CHCHD3: variants seen among roughly 807,000 people sequenced by gnomAD.
CHCHD3 encodes the protein MICOS complex subunit MIC19.
A neutral mutation model predicts 38.2 loss-of-function variants in CHCHD3; 20 were observed. The observed-to-expected ratio is 0.52, with a 90% CI of 0.37 to 0.76. The LOEUF (loss-of-function observed/expected upper bound fraction) is 0.76, where lower values mean the gene tolerates loss of function less well. Ranked by LOEUF, CHCHD3 falls within the 30% of genes least tolerant of loss-of-function variation. The pLI is 0.00. For missense variants in CHCHD3, 245 were observed against 279.2 expected, an observed-to-expected ratio of 0.88 and a Z score of 0.87; for synonymous variants, 82 against 100.0, an observed-to-expected ratio of 0.82 and a Z score of 1.07.
intron 6 of CHCHD3, among the ~76,000 whole-genome samples, chr7:132,804,668 T>C (rs186179540): frequency 6.6e-6 from 1 of 152,278 alleles, no homozygotes; most frequent in Admixed American, 6.5e-5. Context: ...AGACCAAAAT[T>C]TAAGTTTGTG....
At chr7:133,008,856 TC>T (rs1297688915) in intron 3 of CHCHD3, among the ~76,000 whole-genome samples, 1 of 151,996 alleles carries the variant, frequency 6.6e-6, no homozygotes, top group East Asian at 1.9e-4. Context: ...CTCACTTTGT[TC>T]CCTGACTGGT....
At chr7:132,789,917 G>T (rs1212675602) in intron 7 of CHCHD3, among the ~76,000 whole-genome samples, 1 of 152,206 alleles carries the variant, frequency 6.6e-6, no homozygotes, top group Non-Finnish European at 1.5e-5. Context: ...GAAAAGTGGG[G>T]AGTGGGAGAC....
At chr7:132,937,766 C>T (rs1007194613) in intron 4 of CHCHD3, among the ~76,000 whole-genome samples, 11 of 152,140 alleles carry the variant, frequency 7.2e-5, no homozygotes, top group African/African-American at 2.2e-4. Flanking sequence ...TATAATCCAA[C>T]GTTTACAAAC....
rs1169617382 is a variant in CHCHD3 at position 132,785,513 on chromosome 7, T to A, written c.*124A>T. ...ATGATTCTGCTGAATCCATTCTTGA[T>A]GTCTCTCTTTAGTGGTCTTCTCATT... On this transcript the variant is annotated 3_prime_UTR_variant, in exon 8 of 8. Transcript: ENST00000262570. 2.2e-6 allele frequency: 2 copies of A among 910,126 alleles called. No homozygotes were observed. Among genetic ancestry groups the A allele is most frequent in the African/African-American group, 3.3e-5 (2 of 59,978 alleles). The allele number at this position is 910,126 out of a possible 1,614,324, so 56.4% of individuals were successfully genotyped here. A position where few individuals can be genotyped will look rare whatever the true frequency, so the allele number is the denominator to read the frequency against.
At chr7:132,957,237 T>C (rs900657388) in intron 4 of CHCHD3, among the ~76,000 whole-genome samples, 5 of 152,148 alleles carry the variant, frequency 3.3e-5, no homozygotes, top group Non-Finnish European at 7.3e-5. Context: ...GATAGGGTGA[T>C]TACTAAGATT....
chr7:132,869,644 C>T (rs563304693), intron 5 of CHCHD3, among the ~76,000 whole-genome samples: 1 of 152,218 alleles, frequency 6.6e-6, no homozygotes, highest in South Asian at 2.1e-4. Flanking sequence ...TGGAGTGCAG[C>T]GACATAATGG....
chr7:132,964,495 C>CACTTGA (rs2117312974), intron 4 of CHCHD3, among the ~76,000 whole-genome samples: 1 of 152,266 alleles, frequency 6.6e-6, no homozygotes, highest in East Asian at 1.9e-4. Context: ...GCAGGAGAAT[C>CACTTGA]ACTTGAACCC....
Position 133,028,763 on chromosome 7 carries a change from C to A in CHCHD3, c.170-4136G>T, listed in dbSNP as rs143328314. On this transcript the variant is annotated intron_variant, in intron 2 of 7. Transcript: ENST00000262570. ...AGCCAGACATGGTGGTGCACACCTG[C>A]AATCCCAGCTACTCAGGAGGCTGAG... 6.9e-3 allele frequency among the ~76,000 whole-genome samples: 1,049 copies of A among 151,796 alleles called. 14 individuals are homozygous for A. The highest frequency in any genetic ancestry group is 0.024 in the African/African-American group (995 of 41,402).
intron 5 of CHCHD3, among the ~76,000 whole-genome samples, chr7:132,875,439 A>G (rs751583527): frequency 6.6e-6 from 1 of 152,218 alleles, no homozygotes; most frequent in Non-Finnish European, 1.5e-5. Flanking sequence ...AGAAAGAACT[A>G]CTTGAGGCAA....
At position 133,056,946 on chromosome 7, in the gene CHCHD3, C is replaced by G. The variant is rs75048087; in HGVS notation, c.169+13196G>C. ...TAAATATACACCACATGAGCTCACTCTCTCTCTCTCTCCTCTATTCAGTGG... is the reference window on the plus strand; with the variant it reads ...TAAATATACACCACATGAGCTCACTGTCTCTCTCTCTCCTCTATTCAGTGG... On this transcript the variant is annotated intron_variant, in intron 2 of 7. Transcript: ENST00000262570. Among the ~76,000 whole-genome samples the G allele has an allele frequency of 7.3e-4, 106 of 145,518 alleles. 3 individuals carry two copies. In the East Asian group the frequency reaches 0.017, roughly 24 times the overall value.
intron 4 of CHCHD3, among the ~76,000 whole-genome samples, chr7:132,909,866 A>G (rs2117217593): frequency 6.6e-6 from 1 of 152,332 alleles, no homozygotes; most frequent in East Asian, 1.9e-4. Context: ...TCATTCAGCA[A>G]TGGTTACAGA....
chr7:132,796,682 T>C, intron 6 of CHCHD3, 105 bp from the exon 7 acceptor site: 3 of 1,030,276 alleles, frequency 2.9e-6, no homozygotes, highest in Non-Finnish European at 4.2e-6. Flanking sequence ...ATGTTGCAAA[T>C]GTAGAAAAAG....
At chr7:132,820,887 G>A (rs1044828860) in intron 6 of CHCHD3, among the ~76,000 whole-genome samples, 3 of 152,118 alleles carry the variant, frequency 2.0e-5, no homozygotes, top group African/African-American at 7.2e-5. Context: ...CAAGGTTTTA[G>A]GTGAGAACTA....
intron 4 of CHCHD3, among the ~76,000 whole-genome samples, chr7:132,945,733 T>C (rs550594847): frequency 1.3e-5 from 2 of 152,044 alleles, no homozygotes; most frequent in Non-Finnish European, 2.9e-5. Context: ...CTTAGATAAA[T>C]CTTGAAGCTC....
At chr7:133,025,545 C>T (rs920825888) in intron 2 of CHCHD3, among the ~76,000 whole-genome samples, 2 of 152,158 alleles carry the variant, frequency 1.3e-5, no homozygotes, top group African/African-American at 2.4e-5. Flanking sequence ...CGCTCTGTTG[C>T]CCAGGCTGCA....
intron 3 of CHCHD3, among the ~76,000 whole-genome samples, chr7:132,976,293 C>CTA (rs779418179): frequency 1.3e-5 from 2 of 152,154 alleles, no homozygotes; most frequent in Non-Finnish European, 2.9e-5. Flanking sequence ...CTCTAGCAAA[C>CTA]TAAGACAGGA....
intron 4 of CHCHD3, among the ~76,000 whole-genome samples, chr7:132,918,443 C>G (rs1246767690): frequency 6.6e-6 from 1 of 152,146 alleles, no homozygotes; most frequent in African/African-American, 2.4e-5. Flanking sequence ...CAGATACAAT[C>G]GAGACCAGTA....
chr7:132,971,255 C>T (rs905779802), intron 4 of CHCHD3, among the ~76,000 whole-genome samples: 2 of 152,124 alleles, frequency 1.3e-5, no homozygotes, highest in Non-Finnish European at 2.9e-5. Flanking sequence ...ATATTTTGAA[C>T]GTGAGTTGCT....
chr7:132,959,869 T>TA (rs1390102794), intron 4 of CHCHD3, among the ~76,000 whole-genome samples: 2 of 152,106 alleles, frequency 1.3e-5, no homozygotes, highest in African/African-American at 4.8e-5. Flanking sequence ...AAAAGCTAAA[T>TA]ACCCCCTTTC....
Sources: gnomAD v4.1 joint callset for allele counts (sites outside exome capture counted in the v4.1 genomes callset) on GRCh38, gnomAD v4.1.1 for gene constraint, MANE v1.5 for transcripts, NCBI Gene and HGNC (gene_info 2026-07-23, HGNC 2026-07-21) for gene names.